GRM7: variants seen among roughly 807,000 people sequenced by gnomAD.
GRM7 encodes metabotropic glutamate receptor 7.
Under a neutral mutation model 84.5 loss-of-function variants are expected in GRM7, and 35 were observed. The observed-to-expected ratio is 0.41, with a 90% confidence interval of 0.32 to 0.55. The LOEUF (loss-of-function observed/expected upper bound fraction) is 0.55, where lower values mean the gene tolerates loss of function less well. Ranked by LOEUF, GRM7 falls within the 20% of genes least tolerant of loss-of-function variation. The pLI is 0.19. For missense variants in GRM7, 1,003 were observed against 1,194.6 expected (o/e 0.84, Z 2.36); for synonymous variants, 487 against 455.1 (o/e 1.07, Z -0.89).
chr3:7,668,424 A>T (rs2257209), intron 8 of GRM7, among the ~76,000 whole-genome samples: 152,368 of 152,368 alleles, frequency 1, 76,184 homozygotes, highest in Non-Finnish European at 1. Context: ...TGCTTCCTGG[A>T]GGAGGAGATA....
chr3:7,499,778 CT>C (rs112392895), intron 7 of GRM7, among the ~76,000 whole-genome samples: 183 of 144,252 alleles, frequency 1.3e-3, no homozygotes, highest in South Asian at 3.1e-3. Flanking sequence ...AGACACCATT[CT>C]TTTTTTTTTT....
At chr3:7,397,376 A>T (rs937925899) in intron 4 of GRM7, among the ~76,000 whole-genome samples, 1 of 152,306 alleles carries the variant, frequency 6.6e-6, no homozygotes, top group Non-Finnish European at 1.5e-5. Context: ...CAAAGCCATT[A>T]TGTAGAGTTG....
At chr3:7,448,575 T>A (rs1697628242) in intron 5 of GRM7, among the ~76,000 whole-genome samples, 1 of 152,136 alleles carries the variant, frequency 6.6e-6, no homozygotes, top group Non-Finnish European at 1.5e-5. Context: ...GGTTGGCAAA[T>A]AATTGTGACT....
chr3:7,556,171 G>A (rs1320776149), intron 7 of GRM7, among the ~76,000 whole-genome samples: 2 of 152,116 alleles, frequency 1.3e-5, no homozygotes, highest in African/African-American at 2.4e-5. Context: ...TGCTCACGTG[G>A]TAGAAAGGAC....
At chr3:7,387,398 C>A (rs1464155029) in intron 4 of GRM7, among the ~76,000 whole-genome samples, 1 of 152,142 alleles carries the variant, frequency 6.6e-6, no homozygotes, top group East Asian at 1.9e-4. Flanking sequence ...CCCTAGGTTA[C>A]TCTCTTAGAT....
intron 1 of GRM7, among the ~76,000 whole-genome samples, chr3:6,954,642 C>T (rs562937120): frequency 1.3e-5 from 2 of 152,144 alleles, no homozygotes; most frequent in Admixed American, 6.5e-5. Flanking sequence ...CTGTGAGCTC[C>T]AATTCAGAAT....
chr3:7,282,805 C>T (rs1699300321), intron 2 of GRM7, among the ~76,000 whole-genome samples: 1 of 152,016 alleles, frequency 6.6e-6, no homozygotes, highest in Non-Finnish European at 1.5e-5. Context: ...GTGGGATGTT[C>T]CCCAAATGTG....
intron 1 of GRM7, among the ~76,000 whole-genome samples, chr3:7,109,079 G>A (rs1351823216): frequency 9.2e-5 from 14 of 152,024 alleles, no homozygotes; most frequent in African/African-American, 2.7e-4. Flanking sequence ...GTCCATGGCC[G>A]AGTGCTGAGC....
chr3:7,339,543 G>A (rs902228818), intron 4 of GRM7, among the ~76,000 whole-genome samples: 1 of 152,068 alleles, frequency 6.6e-6, no homozygotes, highest in Non-Finnish European at 1.5e-5. Context: ...ATTTTGGGGT[G>A]GCCTCCTACG....
At chr3:7,474,869 A>T (rs1698859173) in intron 7 of GRM7, among the ~76,000 whole-genome samples, 1 of 152,214 alleles carries the variant, frequency 6.6e-6, no homozygotes, top group Non-Finnish European at 1.5e-5. Flanking sequence ...ATATGCCTGC[A>T]GGAAAGCAGG....
intron 4 of GRM7, among the ~76,000 whole-genome samples, chr3:7,357,260 C>T (rs985209549): frequency 4.0e-5 from 6 of 151,556 alleles, no homozygotes; most frequent in Admixed American, 1.3e-4. Context: ...TTTTTTTGCT[C>T]GTGACCTTAA....
chr3:6,948,059 G>A (rs1420851339), intron 1 of GRM7, among the ~76,000 whole-genome samples: 2 of 152,110 alleles, frequency 1.3e-5, no homozygotes. Context: ...ATTTCCTTCA[G>A]TTCTGCTCTG....
intron 8 of GRM7, among the ~76,000 whole-genome samples, chr3:7,656,857 A>C (rs1271229519): frequency 6.6e-6 from 1 of 152,222 alleles, no homozygotes; most frequent in Non-Finnish European, 1.5e-5. Context: ...TATCAACTGA[A>C]GTATGAGATC....
At chr3:7,604,961 A>C (rs1175105694) in intron 8 of GRM7, among the ~76,000 whole-genome samples, 1 of 152,198 alleles carries the variant, frequency 6.6e-6, no homozygotes, top group East Asian at 1.9e-4. Flanking sequence ...ATAGGATATT[A>C]GGCTAACATC....
intron 1 of GRM7, among the ~76,000 whole-genome samples, chr3:6,951,353 A>G (rs1293822351): frequency 1.3e-5 from 2 of 150,598 alleles, no homozygotes; most frequent in African/African-American, 4.9e-5. Flanking sequence ...TTTTATTCTG[A>G]TCTTTTAGTG....
chr3:7,187,769 T>G (rs1186790484), intron 2 of GRM7, among the ~76,000 whole-genome samples: 1 of 152,180 alleles, frequency 6.6e-6, no homozygotes, highest in Non-Finnish European at 1.5e-5. Context: ...GGGCAGTAAC[T>G]CCGAAGTGTT....
intron 1 of GRM7, among the ~76,000 whole-genome samples, chr3:7,128,383 A>G (rs1693473392): frequency 6.6e-6 from 1 of 151,808 alleles, no homozygotes; most frequent in African/African-American, 2.4e-5. Flanking sequence ...TCATTGCCTC[A>G]CGATGAAAGG....
chr3:7,009,160 A>G (rs1043724829), intron 1 of GRM7, among the ~76,000 whole-genome samples: 19 of 152,246 alleles, frequency 1.2e-4, no homozygotes, highest in Non-Finnish European at 2.5e-4. Context: ...GTCCTCAGAT[A>G]TGAAACAACT....
chr3:7,566,938 A>G (rs898679646), intron 7 of GRM7, among the ~76,000 whole-genome samples: 1 of 152,202 alleles, frequency 6.6e-6, no homozygotes, highest in African/African-American at 2.4e-5. Context: ...GAATTCTGCA[A>G]ATTTAAGATA....
Sources: allele counts gnomAD v4.1 joint callset (sites outside exome capture counted in the v4.1 genomes callset), GRCh38; gene constraint gnomAD v4.1.1; transcripts MANE v1.5; gene names NCBI Gene and HGNC (gene_info 2026-07-23, HGNC 2026-07-21).